Variants in TMEM196 observed in about 807,000 individuals in gnomAD.
TMEM196 encodes the protein transmembrane protein 196.
A neutral mutation model predicts 20.0 loss-of-function variants in TMEM196; 17 were observed. The observed-to-expected ratio is 0.85, with a 90% confidence interval of 0.58 to 1.27. TMEM196 has a LOEUF of 1.27. Among genes scored for constraint, TMEM196 ranks in the 50% most tolerant of loss-of-function variants. TMEM196 has a pLI of 0.00. For missense variants in TMEM196, 267 were observed against 223.0 expected (o/e 1.20, Z -1.26); for synonymous variants, 113 against 88.9 (o/e 1.27, Z -1.52).
intron 2 of TMEM196, among the ~76,000 whole-genome samples, 198 bp downstream of exon 2, chr7:19,729,184 G>A (rs1236526679): frequency 4.6e-5 from 7 of 151,806 alleles, no homozygotes; most frequent in Admixed American, 4.6e-4. Flanking sequence ...TTACATCGGT[G>A]GGCTTTTGTC....
intron 4 of TMEM196, among the ~76,000 whole-genome samples, chr7:19,723,783 G>A (rs779252702): frequency 2.6e-5 from 4 of 152,118 alleles, no homozygotes; most frequent in African/African-American, 7.2e-5. Flanking sequence ...AATTTGAAAC[G>A]TGGGAACTAA....
chr7:19,752,867 C>T (rs191549215), intron 1 of TMEM196, among the ~76,000 whole-genome samples: 17 of 152,206 alleles, frequency 1.1e-4, no homozygotes, highest in African/African-American at 3.9e-4. Context: ...CCTGCCTCAG[C>T]CTCCCAAAGT....
intron 1 of TMEM196, among the ~76,000 whole-genome samples, chr7:19,753,438 C>T (rs143649386): frequency 6.6e-6 from 1 of 152,088 alleles, no homozygotes; most frequent in Non-Finnish European, 1.5e-5. Flanking sequence ...TCTCTTTAAC[C>T]CAGGCAGAAA....
chr7:19,759,589 G>A (rs532842348), intron 1 of TMEM196, among the ~76,000 whole-genome samples: 1 of 151,724 alleles, frequency 6.6e-6, no homozygotes, highest in Non-Finnish European at 1.5e-5. Flanking sequence ...ACTTTCACAG[G>A]TCACAAACAG....
At chr7:19,748,263 CAAAAAAAAAAAAAAAAAA>C (rs57276805) in intron 1 of TMEM196, among the ~76,000 whole-genome samples, 2 of 20,780 alleles carry the variant, frequency 9.6e-5, no homozygotes, top group South Asian at 2.3e-3. Context: ...TGTGGCTGTC[CAAAAAAAAAAAAAAAAAA>C]AAAAAAAAAA....
At chr7:19,736,373 ATATATATATATATATATATATATATAT>A (rs1784405803) in intron 1 of TMEM196, among the ~76,000 whole-genome samples, 2 of 50,088 alleles carry the variant, frequency 4.0e-5, no homozygotes, top group South Asian at 1.5e-3. Flanking sequence ...ATATATATAT[ATATATATATATATATATATATATATAT>A]AAATTATCTC....
chr7:19,729,384 C>G lies in TMEM196; in HGVS notation c.202G>C (p.Val68Leu). The G allele has an allele frequency of 1.3e-6, 2 of 1,550,092 alleles. No homozygotes were observed. The highest frequency in any genetic ancestry group is 1.7e-6 in the Non-Finnish European group (2 of 1,146,588). ...ILCAKKKSGL[V>L]MILFSACCIC... ...ATACAAACAAATCAAACACTTACGA[C>G]AAGTCCTGATTTTTTTTTGGCACAC... is the stretch of plus-strand genomic sequence containing the variant. The change falls in exon 2 of 5, where the codon GTC (valine) becomes CTC (leucine). Residue 68 changes from valine to leucine, a missense_variant and splice_region_variant. Val to Leu is a conservative substitution (Grantham distance 32, BLOSUM62 1). Transcript: ENST00000405844.
At chr7:19,736,217 A>G (rs1419508470) in intron 1 of TMEM196, among the ~76,000 whole-genome samples, 2 of 151,344 alleles carry the variant, frequency 1.3e-5, no homozygotes, top group Non-Finnish European at 3.0e-5. Flanking sequence ...TGCACATAAA[A>G]AGCATTTCAT....
chr7:19,757,607 G>C (rs10240133), intron 1 of TMEM196, among the ~76,000 whole-genome samples: 2 of 151,950 alleles, frequency 1.3e-5, no homozygotes, highest in Non-Finnish European at 2.9e-5. Context: ...GTAGGTCTGA[G>C]GGTCTAAGAG....
At chr7:19,755,147 C>T (rs770053388) in intron 1 of TMEM196, among the ~76,000 whole-genome samples, 1 of 152,144 alleles carries the variant, frequency 6.6e-6, no homozygotes, top group African/African-American at 2.4e-5. Context: ...CAATTATTAA[C>T]TTTATTTGTG....
chr7:19,772,710 T>C lies in TMEM196; in HGVS notation c.-14A>G. On this transcript the variant is annotated 5_prime_UTR_variant, in exon 1 of 5. An upstream start codon of the reference 5' UTR is lost. Coordinates refer to ENST00000405844, the MANE Select transcript of TMEM196 (RefSeq NM_001363562.2). ...GCTGGTGCACATCCTTCCTCGGTCA[T>C]CTTCCTTCCAGATCAGAGAGGGAAA... 1 of 1,494,270 alleles carries C rather than the reference T, an allele frequency of 6.7e-7. No individual in the cohort carries two copies. The highest frequency in any genetic ancestry group is 2.7e-5 in the East Asian group (1 of 37,520). 92.6% of individuals were successfully genotyped at this position (1,494,270 alleles called of 1,614,324 possible).
chr7:19,772,784 C>A lies in TMEM196; in HGVS notation c.-88G>T. 1 of 1,245,002 alleles carries A rather than the reference C, an allele frequency of 8.0e-7. No homozygotes were observed. The highest frequency in any genetic ancestry group is 1.0e-6 in the Non-Finnish European group (1 of 967,126). The allele number at this position is 1,245,002 out of a possible 1,614,324, so 77.1% of individuals were successfully genotyped here. ...CCACTATCCTCCTTACCCCTTCCAC[C>A]CCCTACCAGATCCCAAAACTTTTCT... On this transcript the variant is annotated 5_prime_UTR_variant, in exon 1 of 5. Coordinates refer to ENST00000405844, the MANE Select transcript of TMEM196 (RefSeq NM_001363562.2).
intron 1 of TMEM196, among the ~76,000 whole-genome samples, chr7:19,760,245 T>A (rs1785382970): frequency 6.6e-6 from 1 of 152,000 alleles, no homozygotes; most frequent in Non-Finnish European, 1.5e-5. Flanking sequence ...TATGTCTGAC[T>A]AATGCCTCAT....
intron 1 of TMEM196, among the ~76,000 whole-genome samples, chr7:19,768,721 A>G (rs1785734578): frequency 1.3e-5 from 2 of 152,198 alleles, no homozygotes; most frequent in South Asian, 4.1e-4. Flanking sequence ...AAATGCTATA[A>G]TGACACCTAT....
At chr7:19,758,478 G>A (rs931754480) in intron 1 of TMEM196, among the ~76,000 whole-genome samples, 6 of 152,132 alleles carry the variant, frequency 3.9e-5, no homozygotes, top group Non-Finnish European at 8.8e-5. Context: ...TTTAAGGATA[G>A]TTAATATTTT....
At chr7:19,756,006 A>G (rs1785194083) in intron 1 of TMEM196, among the ~76,000 whole-genome samples, 1 of 150,860 alleles carries the variant, frequency 6.6e-6, no homozygotes. Context: ...TCCAGCCTCC[A>G]GCCTGGACAG....
Position 19,729,390 on chromosome 7 carries a change from C to T in TMEM196, c.196G>A (p.Gly66Arg), listed in dbSNP as rs1784117682. Reference protein sequence around the residue: ...CGILCAKKKSGLVMILFSACC... With the variant: ...CGILCAKKKSRLVMILFSACC... Reference sequence around the variant, plus strand: ...ACAAATCAAACACTTACGACAAGTCCTGATTTTTTTTTGGCACACAATATT... The same window carrying T: ...ACAAATCAAACACTTACGACAAGTCTTGATTTTTTTTTGGCACACAATATT... The change falls in exon 2 of 5, where the codon GGA (glycine) becomes AGA (arginine). Residue 66 changes from glycine (G) to arginine (R), a missense_variant. Coordinates refer to ENST00000405844, the MANE Select transcript of TMEM196 (RefSeq NM_001363562.2). 1.9e-6 allele frequency: 3 copies of T among 1,550,394 alleles called. No individual in the cohort carries two copies. Among genetic ancestry groups the T allele is most frequent in the African/African-American group, 2.7e-5 (2 of 72,880 alleles).
At chr7:19,747,523 T>C (rs1212721044) in intron 1 of TMEM196, among the ~76,000 whole-genome samples, 1 of 152,186 alleles carries the variant, frequency 6.6e-6, no homozygotes, top group Non-Finnish European at 1.5e-5. Context: ...TTTGCACACA[T>C]CATCTAAATG....
intron 1 of TMEM196, among the ~76,000 whole-genome samples, chr7:19,759,431 G>A (rs1452270981): frequency 1.3e-5 from 2 of 152,040 alleles, no homozygotes; most frequent in African/African-American, 2.4e-5. Context: ...TTTCGGTGGT[G>A]TCAACCAAAC....
Sources: gnomAD v4.1 joint callset for allele counts (sites outside exome capture counted in the v4.1 genomes callset) on GRCh38, gnomAD v4.1.1 for gene constraint, MANE v1.5 for transcripts, NCBI Gene and HGNC (gene_info 2026-07-23, HGNC 2026-07-21) for gene names.